The following LUZP2 variants were observed in gnomAD, a reference collection of about 807,000 sequenced individuals.
LUZP2 encodes the protein leucine zipper protein 2.
Under a neutral mutation model 51.6 loss-of-function variants are expected in LUZP2, and 52 were observed. The ratio of observed to expected loss-of-function variants is 1.01; its 90% CI spans 0.81 to 1.27. The LOEUF (loss-of-function observed/expected upper bound fraction) is 1.27, where lower values mean the gene tolerates loss of function less well. LUZP2 is among the 50% of genes most tolerant of loss of function. LUZP2 has a pLI of 0.00. For synonymous variants in LUZP2, 154 were observed against 137.3 expected (o/e 1.12, Z -0.85); for missense variants, 436 against 395.4 (o/e 1.10, Z -0.87).
intron 1 of LUZP2, among the ~76,000 whole-genome samples, chr11:24,711,883 A>C (rs939016769): frequency 5.3e-5 from 8 of 152,072 alleles, no homozygotes; most frequent in Non-Finnish European, 8.8e-5. Flanking sequence ...TACTCCTAGA[A>C]CCTTATTCAT....
intron 1 of LUZP2, among the ~76,000 whole-genome samples, chr11:24,512,573 T>A (rs6484054): frequency 0.14 from 21,520 of 152,122 alleles, 2,193 homozygotes; most frequent in African/African-American, 0.29. Flanking sequence ...TGGTACTTTT[T>A]ATTTCAAATA....
At chr11:24,753,467 A>G (rs2134013466) in intron 4 of LUZP2, among the ~76,000 whole-genome samples, 1 of 152,276 alleles carries the variant, frequency 6.6e-6, no homozygotes, top group Non-Finnish European at 1.5e-5. Flanking sequence ...ATGATCCACA[A>G]ACAGAAAGGC....
intron 5 of LUZP2, among the ~76,000 whole-genome samples, chr11:24,814,808 C>T (rs975070836): frequency 2.6e-5 from 4 of 151,960 alleles, no homozygotes; most frequent in Non-Finnish European, 2.9e-5. Flanking sequence ...CTAGCTAACA[C>T]GGTGAAACCC....
chr11:24,785,888 T>C (rs1849232610), intron 5 of LUZP2: 1 of 985,344 alleles, frequency 1.0e-6, no homozygotes, highest in African/African-American at 1.7e-5. Flanking sequence ...AAATACTTTG[T>C]TCCAAATTGG....
chr11:24,961,886 C>A (rs886237965), intron 7 of LUZP2, among the ~76,000 whole-genome samples: 7 of 151,228 alleles, frequency 4.6e-5, no homozygotes, highest in South Asian at 4.2e-4. Context: ...TGGCTGGTAC[C>A]GGTTGTTCCT....
At chr11:24,597,510 G>A (rs901438544) in intron 1 of LUZP2, among the ~76,000 whole-genome samples, 4 of 152,158 alleles carry the variant, frequency 2.6e-5, no homozygotes, top group African/African-American at 9.6e-5. Flanking sequence ...AGATAAAGTT[G>A]TGCATACAAA....
chr11:24,677,192 C>T (rs1014881928), intron 1 of LUZP2, among the ~76,000 whole-genome samples: 2 of 152,062 alleles, frequency 1.3e-5, no homozygotes, highest in African/African-American at 4.8e-5. Flanking sequence ...TTGTAACAGC[C>T]GCCCTCATGC....
intron 1 of LUZP2, among the ~76,000 whole-genome samples, chr11:24,674,761 C>G (rs900953940): frequency 6.6e-6 from 1 of 152,078 alleles, no homozygotes; most frequent in Non-Finnish European, 1.5e-5. Flanking sequence ...TCCTTCTTCC[C>G]CTTTTCTCCC....
chr11:24,631,155 C>T (rs1854875747), intron 1 of LUZP2, among the ~76,000 whole-genome samples: 1 of 151,674 alleles, frequency 6.6e-6, no homozygotes, highest in Non-Finnish European at 1.5e-5. Context: ...GATAATTTGA[C>T]TTTCTCTTCT....
intron 5 of LUZP2, among the ~76,000 whole-genome samples, chr11:24,832,890 A>ATT (rs1341877961): frequency 6.0e-5 from 9 of 150,438 alleles, no homozygotes; most frequent in Non-Finnish European, 1.0e-4. Context: ...TTTTTACTTT[A>ATT]GTCCCCTGTA....
At chr11:25,008,675 G>GT (rs1038192243) in intron 9 of LUZP2, among the ~76,000 whole-genome samples, 5 of 152,176 alleles carry the variant, frequency 3.3e-5, no homozygotes, top group African/African-American at 4.8e-5. Flanking sequence ...GAAGAATGAG[G>GT]TTATGTGGAC....
intron 5 of LUZP2, among the ~76,000 whole-genome samples, chr11:24,834,000 G>C (rs184437495): frequency 4.6e-5 from 7 of 152,162 alleles, no homozygotes; most frequent in Non-Finnish European, 7.4e-5. Context: ...CTCATTTATA[G>C]TTCTTAAAAG....
intron 4 of LUZP2, among the ~76,000 whole-genome samples, chr11:24,741,288 C>T (rs1329854250): frequency 6.6e-6 from 1 of 151,980 alleles, no homozygotes; most frequent in Non-Finnish European, 1.5e-5. Flanking sequence ...ACCTGTCTGT[C>T]AGTGATCAGG....
At chr11:24,559,002 T>C (rs1201420767) in intron 1 of LUZP2, among the ~76,000 whole-genome samples, 2 of 152,156 alleles carry the variant, frequency 1.3e-5, no homozygotes, top group African/African-American at 4.8e-5. Flanking sequence ...GAATAAATTT[T>C]GGAAGGAACA....
intron 10 of LUZP2, among the ~76,000 whole-genome samples, chr11:25,063,899 T>A (rs1858923250): frequency 6.6e-6 from 1 of 151,804 alleles, no homozygotes. Context: ...ACATGAAGAA[T>A]AGGACAGTCA....
chr11:25,056,807 A>G (rs1590883394), intron 10 of LUZP2, among the ~76,000 whole-genome samples: 1 of 152,148 alleles, frequency 6.6e-6, no homozygotes, highest in Admixed American at 6.5e-5. Context: ...CATGTTAAAC[A>G]CTTTGAGAAA....
rs532789318 is a variant in LUZP2 at position 24,763,483 on chromosome 11, G to A, written c.396+175G>A. 2.6e-5 allele frequency among the ~76,000 whole-genome samples: 4 copies of A among 152,000 alleles called. No homozygotes were observed. In the South Asian group the frequency reaches 8.3e-4, roughly 32 times the overall value. ...ATTTCAAAAAGTAGATAATCCTTACGTTTATATATATTTGATCATTTCATT... is the reference window on the plus strand; with the variant it reads ...ATTTCAAAAAGTAGATAATCCTTACATTTATATATATTTGATCATTTCATT... On this transcript the variant is annotated intron_variant, in intron 5 of 11. Coordinates refer to ENST00000336930, the MANE Select transcript of LUZP2 (RefSeq NM_001009909.4).
At chr11:24,872,188 A>G (rs191135786) in intron 5 of LUZP2, among the ~76,000 whole-genome samples, 16 of 152,226 alleles carry the variant, frequency 1.1e-4, no homozygotes, top group African/African-American at 3.9e-4. Flanking sequence ...TAGAGTAGTT[A>G]TTCTTATCGG....
chr11:24,586,673 A>C (rs1333115390), intron 1 of LUZP2, among the ~76,000 whole-genome samples: 4 of 152,078 alleles, frequency 2.6e-5, no homozygotes, highest in African/African-American at 9.7e-5. Context: ...TCCATTTTGA[A>C]TTAGATGGAA....
Sources: allele counts gnomAD v4.1 joint callset (sites outside exome capture counted in the v4.1 genomes callset), GRCh38; gene constraint gnomAD v4.1.1; transcripts MANE v1.5; gene names NCBI Gene and HGNC (gene_info 2026-07-23, HGNC 2026-07-21).